AK9: variants seen among roughly 807,000 people sequenced by gnomAD.
AK9 encodes the protein adenylate kinase domain containing 1.
Under a neutral mutation model 239.6 loss-of-function variants are expected in AK9, and 191 were observed. The ratio of observed to expected loss-of-function variants is 0.80; its 90% CI spans 0.71 to 0.90. The LOEUF is 0.90. Ranked by LOEUF, AK9 falls within the 40% of genes least tolerant of loss-of-function variation. AK9 has a pLI of 0.00. For missense variants in AK9, 1,995 were observed against 2,214.7 expected (o/e 0.90, Z 1.99); for synonymous variants, 689 against 721.0 (o/e 0.96, Z 0.71).
At chr6:109,601,725 T>C (rs1034567654) in intron 17 of AK9, among the ~76,000 whole-genome samples, 1 of 152,230 alleles carries the variant, frequency 6.6e-6, no homozygotes, top group Non-Finnish European at 1.5e-5. Flanking sequence ...AGTCTCTTTG[T>C]AGGTCTCTAA....
At chr6:109,536,807 G>T (rs1475192979) in intron 27 of AK9, among the ~76,000 whole-genome samples, 2 of 152,100 alleles carry the variant, frequency 1.3e-5, no homozygotes, top group Admixed American at 1.3e-4. Flanking sequence ...AGAGTGTTTA[G>T]CATGAAGGGC....
At position 109,624,431 on chromosome 6, in the gene AK9, T is replaced by A. The variant is rs533678823; in HGVS notation, c.1255-5195A>T. ...AATACATGAGAGGCAATTTTTTGTG[T>A]GTGTGACTGAAAATGCCCTCATTCT... On this transcript the variant is annotated intron_variant, in intron 12 of 40. Coordinates refer to ENST00000424296, the MANE Select transcript of AK9 (RefSeq NM_001145128.3). 5.3e-5 allele frequency among the ~76,000 whole-genome samples: 8 copies of A among 152,316 alleles called. 1 individual carries two copies. The South Asian group carries it at 1.4e-3, about 28-fold the overall frequency.
chr6:109,517,633 C>T (rs1020444978), intron 29 of AK9, among the ~76,000 whole-genome samples: 1 of 152,060 alleles, frequency 6.6e-6, no homozygotes, highest in African/African-American at 2.4e-5. Flanking sequence ...AGTATGTGAA[C>T]GTTACCTATT....
chr6:109,663,537 C>T (rs1425738136), intron 5 of AK9, among the ~76,000 whole-genome samples: 1 of 152,202 alleles, frequency 6.6e-6, no homozygotes, highest in Non-Finnish European at 1.5e-5. Flanking sequence ...GAAAAACTTA[C>T]ATCCATTATT....
intron 29 of AK9, among the ~76,000 whole-genome samples, chr6:109,519,107 C>T (rs1582811022): frequency 6.6e-6 from 1 of 152,120 alleles, no homozygotes. Flanking sequence ...ATAATGGCTT[C>T]CAGCTGCATC....
rs574365437 is a variant in AK9 at position 109,518,839 on chromosome 6, G to A, written c.3634-2197C>T. On this transcript the variant is annotated intron_variant, in intron 29 of 40. Transcript: ENST00000424296. ...AAATTTCAGCTTTTATTTTAGATTC[G>A]GGGTACGTGTGCAGGCTTGTTACAA... is the stretch of plus-strand genomic sequence containing the variant. Among the ~76,000 whole-genome samples the A allele has an allele frequency of 1.4e-4, 21 of 151,392 alleles. No homozygotes were observed. In the South Asian group the frequency reaches 2.7e-3, roughly 20 times the overall value.
At chr6:109,554,158 T>C (rs10434873) in intron 24 of AK9, among the ~76,000 whole-genome samples, 10,896 of 152,238 alleles carry the variant, frequency 0.072, 590 homozygotes, top group East Asian at 0.15. Flanking sequence ...TGGCTGAAGC[T>C]TTCTTTTTTT....
intron 32 of AK9, among the ~76,000 whole-genome samples, chr6:109,510,471 C>A (rs896377322): frequency 6.6e-6 from 1 of 152,068 alleles, no homozygotes; most frequent in African/African-American, 2.4e-5. Context: ...CTGCTGAGAG[C>A]TGCAGAGATG....
In AK9 at chr6:109,514,370, C is replaced by T. The variant is rs754757277; in HGVS notation, c.4133G>A (p.Arg1378His). Residue 1378 changes from arginine (R) to histidine (H), a missense_variant, in exon 32 of 41, where the codon CGT becomes CAT. Arg to His is a conservative substitution (Grantham distance 29). Transcript: ENST00000424296. Reference sequence around the variant, plus strand: ...ACTAGATAAAAAATAAATATACTGACGATGGATTACAGGATAAATTGGATT... The same window carrying T: ...ACTAGATAAAAAATAAATATACTGATGATGGATTACAGGATAAATTGGATT... ...AENPIYPVIH[R>H]QYIYFLSSKE... 1.1e-5 allele frequency: 17 copies of T among 1,550,590 alleles called. No individual in the cohort carries two copies. The highest frequency in any genetic ancestry group is 2.7e-5 in the African/African-American group (2 of 72,850).
chr6:109,599,760 G>T (rs1308928589), intron 17 of AK9, among the ~76,000 whole-genome samples: 1 of 152,048 alleles, frequency 6.6e-6, no homozygotes, highest in Non-Finnish European at 1.5e-5. Context: ...TTGAGCAGTG[G>T]TTTGTAGTTC....
chr6:109,506,283 C>T, intron 35 of AK9, 44 bp downstream of exon 35: 2 of 1,573,268 alleles, frequency 1.3e-6, no homozygotes, highest in Non-Finnish European at 1.7e-6. Flanking sequence ...CATGTTTACA[C>T]TTGAAATTAA....
At position 109,529,166 on chromosome 6, in the gene AK9, C is replaced by T. The variant is rs952011035; in HGVS notation, c.3571-93G>A. ...ATATTTTTATATAAAGTAGGAATAACGTTTGGGCAGAAGCACAGTGAACTT... is the reference window on the plus strand; with the variant it reads ...ATATTTTTATATAAAGTAGGAATAATGTTTGGGCAGAAGCACAGTGAACTT... On this transcript the variant is annotated intron_variant, in intron 28 of 40. Transcript: ENST00000424296. 1.0e-5 allele frequency: 14 copies of T among 1,363,556 alleles called. No homozygotes were observed. In the East Asian group the frequency reaches 1.2e-4, roughly 12 times the overall value. The allele number at this position is 1,363,556 out of a possible 1,614,324, so 84.5% of individuals were successfully genotyped here.
At chr6:109,627,934 G>A (rs567854470) in intron 12 of AK9, among the ~76,000 whole-genome samples, 2 of 152,314 alleles carry the variant, frequency 1.3e-5, no homozygotes, top group South Asian at 4.1e-4. Context: ...ACAGGCCACT[G>A]CAACCGGCCT....
rs73519211 is a variant in AK9 at position 109,585,129 on chromosome 6, T to A, written c.2108A>T (p.Glu703Val). 2.2e-6 allele frequency: 1 copy of A among 465,024 alleles called. No homozygotes were observed. The allele number at this position is 465,024 out of a possible 1,614,324, so 28.8% of individuals were successfully genotyped here. ...ELQKKKKEEE[E>V]ARKATEEELR... ...CATTCTAGGCAGATTTTACCTTGCT[T>A]CTTCTTCTTCTTTTTTTTTCTTTTG... Residue 703 changes from glutamate (E) to valine (V), a missense_variant, in exon 19 of 41, where the codon GAA (glutamate) becomes GTA (valine). This residue lies in a region of AK9 where 1,290 missense variants were observed against 1,392.7 expected (regional missense o/e 0.93). Coordinates refer to ENST00000424296, the MANE Select transcript of AK9 (RefSeq NM_001145128.3).
intron 17 of AK9, among the ~76,000 whole-genome samples, chr6:109,594,842 C>A (rs1790798812): frequency 6.6e-6 from 1 of 152,266 alleles, no homozygotes; most frequent in Non-Finnish European, 1.5e-5. Flanking sequence ...TTCCTTACAC[C>A]TTATACAAAA....
In AK9 at chr6:109,493,352, G is replaced by T. The variant is rs755834054; in HGVS notation, c.*17C>A. On this transcript the variant is annotated 3_prime_UTR_variant, in exon 41 of 41. Transcript: ENST00000424296. ...TCAGATAACTCTTGAGATTCAGGCT[G>T]CTATCACCTAAGTAAACTACCCATT... 14 of 1,601,742 alleles carry T rather than the reference G, an allele frequency of 8.7e-6. 1 individual carries two copies. In the African/African-American group the frequency reaches 1.9e-4, roughly 21 times the overall value.
At chr6:109,551,944 A>C (rs1784420245) in intron 24 of AK9, among the ~76,000 whole-genome samples, 1 of 152,004 alleles carries the variant, frequency 6.6e-6, no homozygotes, top group Admixed American at 6.5e-5. Context: ...TTCAGTGTTC[A>C]ACTCCCACTT....
chr6:109,632,713 G>A, intron 12 of AK9: 1 of 1,197,744 alleles, frequency 8.3e-7, no homozygotes. Flanking sequence ...AGGGACTCTG[G>A]TCTGGAAGCA....
At chr6:109,611,881 C>T in intron 16 of AK9, 129 bp downstream of exon 16, 1 of 657,134 alleles carries the variant, frequency 1.5e-6, no homozygotes, top group East Asian at 2.9e-5. Context: ...AAATAGAGTA[C>T]TTGGGTATTA....
Sources: gnomAD v4.1 joint callset for allele counts (sites outside exome capture counted in the v4.1 genomes callset) on GRCh38, gnomAD v4.1.1 for gene constraint, gnomAD v4.1.1 regional missense constraint, MANE v1.5 for transcripts, NCBI Gene and HGNC (gene_info 2026-07-23, HGNC 2026-07-21) for gene names.